SEMA5A: variants seen among roughly 807,000 people sequenced by gnomAD.
SEMA5A encodes semaphorin-5A.
Under a neutral mutation model 135.5 loss-of-function variants are expected in SEMA5A, and 55 were observed. That is an observed-to-expected ratio of 0.41 (90% CI 0.33 to 0.51). The LOEUF is 0.51. SEMA5A is among the 20% of genes least tolerant of loss of function. The pLI is 0.37. For missense variants in SEMA5A, 1,290 were observed against 1,419.9 expected, an observed-to-expected ratio of 0.91 and a Z score of 1.47; for synonymous variants, 580 against 546.5, an observed-to-expected ratio of 1.06 and a Z score of -0.85.
chr5:9,074,812 C>A (rs1737956526), intron 16 of SEMA5A, among the ~76,000 whole-genome samples: 1 of 152,068 alleles, frequency 6.6e-6, no homozygotes, highest in South Asian at 2.1e-4. Flanking sequence ...ACAGAAAAAA[C>A]AAAAGCCCCC....
chr5:9,536,596 G>A (rs1737781323), intron 1 of SEMA5A, among the ~76,000 whole-genome samples: 3 of 145,358 alleles, frequency 2.1e-5, no homozygotes, highest in Non-Finnish European at 4.5e-5. Context: ...CTGGAGAACA[G>A]AACAAGACTC....
At chr5:9,465,070 G>T (rs986333155) in intron 1 of SEMA5A, among the ~76,000 whole-genome samples, 3 of 136,434 alleles carry the variant, frequency 2.2e-5, no homozygotes, top group Admixed American at 7.5e-5. Flanking sequence ...ATTTCATTCT[G>T]GATTCTGGAT....
At position 9,212,688 on chromosome 5, in the gene SEMA5A, T is replaced by C. The variant is rs139413448; in HGVS notation, c.647-10448A>G. On this transcript the variant is annotated intron_variant, in intron 8 of 22. Coordinates refer to ENST00000382496, the MANE Select transcript of SEMA5A (RefSeq NM_003966.3). ...ATAGAACATTCTCCCATGTTTAACA[T>C]TATTCACATTTCTGCTATTTGTGAA... is the stretch of plus-strand genomic sequence containing the variant. Among the ~76,000 whole-genome samples, 10 of 152,352 alleles carry C rather than the reference T, an allele frequency of 6.6e-5. No homozygotes were observed. The East Asian group carries it at 1.3e-3, about 21-fold the overall frequency.
intron 5 of SEMA5A, among the ~76,000 whole-genome samples, chr5:9,268,100 T>C (rs965062431): frequency 6.6e-6 from 1 of 152,164 alleles, no homozygotes; most frequent in Non-Finnish European, 1.5e-5. Flanking sequence ...GTTATACCTA[T>C]AGTAGTTGGT....
rs116280168 is a variant in SEMA5A at position 9,148,380 on chromosome 5, C to T, written c.1481+6108G>A. Among the ~76,000 whole-genome samples the T allele has an allele frequency of 3.3e-3, 497 of 152,292 alleles. 1 individual carries two copies. The highest frequency in any genetic ancestry group is 0.011 in the African/African-American group (451 of 41,574). ...AAACACAGAACTGGGGAATGTTCCTCTCTGGTGACTGTTCATGAGTGCACA... is the reference window on the plus strand; with the variant it reads ...AAACACAGAACTGGGGAATGTTCCTTTCTGGTGACTGTTCATGAGTGCACA... On this transcript the variant is annotated intron_variant, in intron 12 of 22. Transcript: ENST00000382496.
At chr5:9,153,499 G>A (rs1033544409) in intron 12 of SEMA5A, among the ~76,000 whole-genome samples, 9 of 152,124 alleles carry the variant, frequency 5.9e-5, no homozygotes, top group Non-Finnish European at 8.8e-5. Context: ...GAAGGAAGAT[G>A]CAATGACTCT....
At chr5:9,272,894 G>A (rs781115329) in intron 5 of SEMA5A, among the ~76,000 whole-genome samples, 14 of 152,096 alleles carry the variant, frequency 9.2e-5, no homozygotes, top group African/African-American at 2.4e-4. Context: ...ATAAATCCAC[G>A]AAGATGGGGG....
chr5:9,520,741 A>G (rs1185995204), intron 1 of SEMA5A, among the ~76,000 whole-genome samples: 1 of 152,164 alleles, frequency 6.6e-6, no homozygotes, highest in Admixed American at 6.6e-5. Flanking sequence ...TCATGAGAAA[A>G]ACCTCAGACA....
At chr5:9,314,081 ATC>A (rs1360899423) in intron 5 of SEMA5A, among the ~76,000 whole-genome samples, 1 of 152,114 alleles carries the variant, frequency 6.6e-6, no homozygotes, top group Non-Finnish European at 1.5e-5. Context: ...GTCCTCCTTG[ATC>A]TGTTTCATCA....
chr5:9,434,876 A>C (rs1442285863), intron 2 of SEMA5A, among the ~76,000 whole-genome samples: 2 of 152,292 alleles, frequency 1.3e-5, no homozygotes, highest in East Asian at 3.9e-4. Flanking sequence ...ATAGATTTCT[A>C]AGAATGAACG....
chr5:9,122,954 G>T, intron 13 of SEMA5A, 117 bp from the exon 14 acceptor site: 1 of 987,524 alleles, frequency 1.0e-6, no homozygotes, highest in Non-Finnish European at 1.4e-6. Flanking sequence ...TGTTGTTGTT[G>T]TTGCTGCAGT....
chr5:9,322,227 G>T (rs374340890), intron 4 of SEMA5A, among the ~76,000 whole-genome samples: 17 of 152,042 alleles, frequency 1.1e-4, no homozygotes, highest in African/African-American at 4.1e-4. Context: ...GGCTGTAAAG[G>T]TACCCCTCCT....
At chr5:9,064,323 A>G (rs1737339841) in intron 17 of SEMA5A, among the ~76,000 whole-genome samples, 1 of 152,224 alleles carries the variant, frequency 6.6e-6, no homozygotes, top group South Asian at 2.1e-4. Context: ...GAGATACAGA[A>G]GAATAAAACT....
chr5:9,315,385 T>A (rs984118032), intron 5 of SEMA5A, among the ~76,000 whole-genome samples: 23 of 152,320 alleles, frequency 1.5e-4, no homozygotes, highest in African/African-American at 5.5e-4. Context: ...ATATTACAGT[T>A]ATCAAAATCA....
intron 5 of SEMA5A, among the ~76,000 whole-genome samples, chr5:9,284,024 T>C (rs751883082): frequency 8.6e-5 from 13 of 151,640 alleles, no homozygotes; most frequent in Non-Finnish European, 1.8e-4. Context: ...AGGCAGATGA[T>C]AGATAACAGA....
At chr5:9,171,479 C>T (rs1480667356) in intron 11 of SEMA5A, among the ~76,000 whole-genome samples, 2 of 152,142 alleles carry the variant, frequency 1.3e-5, no homozygotes, top group African/African-American at 2.4e-5. Context: ...ATGGTCGAGA[C>T]GACAAGCTGA....
chr5:9,541,767 C>T (rs1043004687), intron 1 of SEMA5A, among the ~76,000 whole-genome samples: 5 of 152,200 alleles, frequency 3.3e-5, no homozygotes, highest in Non-Finnish European at 7.3e-5. Flanking sequence ...ACTGTTGTGT[C>T]ACTCCTACTT....
At chr5:9,477,982 C>T (rs569045223) in intron 1 of SEMA5A, among the ~76,000 whole-genome samples, 11 of 152,340 alleles carry the variant, frequency 7.2e-5, no homozygotes, top group Middle Eastern at 3.4e-3. Flanking sequence ...TTCCTGGGCC[C>T]AGGGTCCCTG....
In SEMA5A at chr5:9,258,435, C is replaced by T. The variant is rs1352419135; in HGVS notation, c.271-20545G>A. Among the ~76,000 whole-genome samples the T allele has an allele frequency of 2.1e-4, 32 of 152,158 alleles. 1 individual carries two copies. On this transcript the variant is annotated intron_variant, in intron 5 of 22. Coordinates refer to ENST00000382496, the MANE Select transcript of SEMA5A (RefSeq NM_003966.3). ...AGTGAGGTGGCAAGAGACCACAGGC[C>T]TATCTCATTCTGTCTTCTCCACTCG...
Sources: gnomAD v4.1 joint callset for allele counts (sites outside exome capture counted in the v4.1 genomes callset) on GRCh38, gnomAD v4.1.1 for gene constraint, MANE v1.5 for transcripts, NCBI Gene and HGNC (gene_info 2026-07-23, HGNC 2026-07-21) for gene names.